The following TRPM3 variants were observed in gnomAD, a reference collection of about 807,000 sequenced individuals.
TRPM3 encodes the protein long transient receptor potential channel 3.
A neutral mutation model predicts 181.2 loss-of-function variants in TRPM3; 77 were observed. The ratio of observed to expected loss-of-function variants is 0.42; its 90% confidence interval spans 0.35 to 0.51. TRPM3 has a LOEUF of 0.51. Ranked by LOEUF, TRPM3 falls within the 20% of genes least tolerant of loss-of-function variation. The pLI, the probability that TRPM3 is intolerant of heterozygous loss-of-function variation, is 0.01. For missense variants in TRPM3, 1,759 were observed against 2,196.7 expected (o/e 0.80, Z 3.98); for synonymous variants, 745 against 796.4 (o/e 0.94, Z 1.09).
At chr9:71,183,607 C>T (rs1216363400) in intron 1 of TRPM3, among the ~76,000 whole-genome samples, 1 of 152,032 alleles carries the variant, frequency 6.6e-6, no homozygotes, top group Non-Finnish European at 1.5e-5. Flanking sequence ...GCTAATTTCC[C>T]AATATGTATT....
At chr9:71,060,427 T>C (rs931673028) in intron 1 of TRPM3, among the ~76,000 whole-genome samples, 2 of 152,092 alleles carry the variant, frequency 1.3e-5, no homozygotes, top group Non-Finnish European at 2.9e-5. Context: ...ATCAAATGTA[T>C]AACATGCTAA....
At chr9:70,979,079 G>T (rs904334516) in intron 1 of TRPM3, among the ~76,000 whole-genome samples, 1 of 151,994 alleles carries the variant, frequency 6.6e-6, no homozygotes, top group Non-Finnish European at 1.5e-5. Context: ...CTACTTTCAG[G>T]GTTCATTTGT....
intron 14 of TRPM3, 124 bp from the exon 15 acceptor site, chr9:70,621,397 C>T (rs1690980008): frequency 1.9e-6 from 1 of 538,406 alleles, no homozygotes. Context: ...CAAGGTCTCA[C>T]TTTGTCACCT....
intron 1 of TRPM3, among the ~76,000 whole-genome samples, chr9:71,272,960 C>T (rs1044338100): frequency 2.0e-5 from 3 of 151,346 alleles, no homozygotes; most frequent in Non-Finnish European, 4.4e-5. Context: ...CTGCAACCTT[C>T]GCCTCCCGGG....
At chr9:70,969,638 G>A (rs1333400594) in intron 1 of TRPM3, among the ~76,000 whole-genome samples, 1 of 150,880 alleles carries the variant, frequency 6.6e-6, no homozygotes, top group Admixed American at 6.6e-5. Context: ...ATATTGTGTT[G>A]AAATCTCCTG....
intron 1 of TRPM3, among the ~76,000 whole-genome samples, chr9:71,095,857 T>C (rs1246863607): frequency 6.6e-6 from 1 of 151,880 alleles, no homozygotes; most frequent in Admixed American, 6.6e-5. Flanking sequence ...TTCTAATAGC[T>C]GTAAAGATTT....
At chr9:70,921,553 G>C (rs1564764933) in intron 1 of TRPM3, among the ~76,000 whole-genome samples, 1 of 152,192 alleles carries the variant, frequency 6.6e-6, no homozygotes, top group Non-Finnish European at 1.5e-5. Flanking sequence ...CTCCACTGGG[G>C]AGAAGAGGTT....
rs1048332405 is a variant in TRPM3, at chr9:70,677,502, G to A, written c.1345+4004C>T. Among the ~76,000 whole-genome samples the A allele has an allele frequency of 2.3e-4, 35 of 152,286 alleles. 1 individual carries two copies. The highest frequency in any genetic ancestry group is 7.9e-4 in the African/African-American group (33 of 41,562). On this transcript the variant is annotated intron_variant, in intron 9 of 25. Coordinates refer to ENST00000677713, the MANE Select transcript of TRPM3 (RefSeq NM_001366145.2). ...ACCCTCATGGCCTAAGTCCCACCTTGGGGCTTGCTTGTCCTGCATCAGCAG... is the reference window on the plus strand; with the variant it reads ...ACCCTCATGGCCTAAGTCCCACCTTAGGGCTTGCTTGTCCTGCATCAGCAG...
chr9:70,601,472 GC>G, intron 20 of TRPM3, among the ~76,000 whole-genome samples: 1 of 152,262 alleles, frequency 6.6e-6, no homozygotes, highest in South Asian at 2.1e-4. Flanking sequence ...CTGTGAAGAG[GC>G]AGGAAGGGCA....
intron 1 of TRPM3, among the ~76,000 whole-genome samples, chr9:71,018,546 C>A (rs1306959102): frequency 1.3e-5 from 2 of 151,562 alleles, no homozygotes; most frequent in African/African-American, 2.4e-5. Flanking sequence ...ATGCCAATAA[C>A]TTAAAAACTC....
chr9:70,842,952 T>C (rs775326997), intron 5 of TRPM3, 51 bp downstream of exon 5: 8 of 1,585,948 alleles, frequency 5.0e-6, no homozygotes, highest in Non-Finnish European at 6.9e-6. Flanking sequence ...TATACTTTTC[T>C]GATATCCCCT....
intron 1 of TRPM3, among the ~76,000 whole-genome samples, chr9:70,944,008 G>A (rs2096909834): frequency 6.6e-6 from 1 of 152,172 alleles, no homozygotes; most frequent in African/African-American, 2.4e-5. Context: ...TCGAACTGCT[G>A]ACCTCAAGTG....
intron 1 of TRPM3, among the ~76,000 whole-genome samples, chr9:70,940,400 C>T (rs981269342): frequency 3.9e-5 from 6 of 152,128 alleles, no homozygotes; most frequent in Non-Finnish European, 5.9e-5. Flanking sequence ...AATATAAGGA[C>T]GGCATGAATG....
At chr9:70,687,617 T>A (rs577887292) in intron 8 of TRPM3, among the ~76,000 whole-genome samples, 1 of 152,336 alleles carries the variant, frequency 6.6e-6, no homozygotes, top group African/African-American at 2.4e-5. Flanking sequence ...GTGGACAGAT[T>A]ACCTTAGGCT....
At chr9:70,742,203 A>G (rs1390155232) in intron 8 of TRPM3, among the ~76,000 whole-genome samples, 1 of 152,184 alleles carries the variant, frequency 6.6e-6, no homozygotes, top group Non-Finnish European at 1.5e-5. Flanking sequence ...TCAATTATAT[A>G]CAAATTAGTA....
intron 22 of TRPM3, among the ~76,000 whole-genome samples, chr9:70,583,068 C>T (rs201836813): frequency 6.6e-6 from 1 of 152,126 alleles, no homozygotes; most frequent in Non-Finnish European, 1.5e-5. Flanking sequence ...CCCCCCACCC[C>T]AGGGAACGGA....
intron 22 of TRPM3, among the ~76,000 whole-genome samples, chr9:70,556,648 G>A (rs1375442135): frequency 6.6e-6 from 1 of 152,110 alleles, no homozygotes; most frequent in African/African-American, 2.4e-5. Context: ...CTTGAACCTG[G>A]AATGTGGAGG....
intron 1 of TRPM3, among the ~76,000 whole-genome samples, chr9:70,952,769 G>A (rs1303524577): frequency 6.6e-6 from 1 of 152,114 alleles, no homozygotes; most frequent in Non-Finnish European, 1.5e-5. Context: ...AGACGAGACT[G>A]GATAGGTAAG....
At chr9:71,270,788 A>G (rs1024981636) in intron 1 of TRPM3, among the ~76,000 whole-genome samples, 13 of 152,226 alleles carry the variant, frequency 8.5e-5, no homozygotes, top group African/African-American at 2.9e-4. Context: ...GTCAAGGCTG[A>G]GACATAAAAT....
Sources: allele counts gnomAD v4.1 joint callset (sites outside exome capture counted in the v4.1 genomes callset), GRCh38; gene constraint gnomAD v4.1.1; transcripts MANE v1.5; gene names NCBI Gene and HGNC (gene_info 2026-07-23, HGNC 2026-07-21).